Variants in TMX4 observed in about 807,000 individuals in gnomAD.
TMX4 encodes the protein thioredoxin related transmembrane protein 4.
TMX4 carries 23 observed loss-of-function variants against 33.3 expected under a neutral mutation model. The observed-to-expected ratio is 0.69, with a 90% CI of 0.50 to 0.98. The LOEUF is 0.98. Among genes scored for constraint, TMX4 ranks in the 50% least tolerant of loss-of-function variants. The pLI, the probability that TMX4 is intolerant of heterozygous loss-of-function variation, is 0.00. For synonymous variants in TMX4, 164 were observed against 161.5 expected, an observed-to-expected ratio of 1.02 and a Z score of -0.12; for missense variants, 399 against 448.9, an observed-to-expected ratio of 0.89 and a Z score of 1.01.
At chr20:7,982,865 AG>A (rs2050614926) in intron 7 of TMX4, among the ~76,000 whole-genome samples, 1 of 152,186 alleles carries the variant, frequency 6.6e-6, no homozygotes, top group African/African-American at 2.4e-5. Flanking sequence ...GCAAGGGCAA[AG>A]GGTCCTTTAC....
At chr20:7,985,277 A>ATATT (rs1436534553) in intron 6 of TMX4, among the ~76,000 whole-genome samples, 25 of 110,534 alleles carry the variant, frequency 2.3e-4, no homozygotes, top group Middle Eastern at 4.6e-3. Context: ...ATATATATAT[A>ATATT]TTTTTTTTTT....
At chr20:8,010,378 A>G in intron 1 of TMX4, 63 bp from the exon 2 acceptor site, 1 of 1,023,420 alleles carries the variant, frequency 9.8e-7, no homozygotes, top group Admixed American at 3.0e-5. Flanking sequence ...AAACAGAGAA[A>G]TCGAGTATTT....
chr20:8,011,379 T>C (rs1046644391), intron 1 of TMX4, among the ~76,000 whole-genome samples: 3 of 151,906 alleles, frequency 2.0e-5, no homozygotes, highest in African/African-American at 7.3e-5. Context: ...GATCAAATCC[T>C]GTAACAAGAT....
At chr20:7,992,991 C>A (rs1284591895) in intron 5 of TMX4, among the ~76,000 whole-genome samples, 1 of 152,198 alleles carries the variant, frequency 6.6e-6, no homozygotes, top group East Asian at 1.9e-4. Flanking sequence ...CCTATATACA[C>A]ACAAAAACGC....
chr20:7,985,564 T>A (rs1347869884), intron 6 of TMX4, among the ~76,000 whole-genome samples: 1 of 152,112 alleles, frequency 6.6e-6, no homozygotes, highest in Non-Finnish European at 1.5e-5. Flanking sequence ...TGAGCCACTG[T>A]GCCCAGCCTA....
rs1357815382 is a variant in TMX4, at chr20:7,980,621, A to C, written c.*1630T>G. ...GAAGCTGCACTACTGTCTGAAAAGC[A>C]CAATTACTGGTGACTCTTAACAAAC... On this transcript the variant is annotated 3_prime_UTR_variant, in exon 8 of 8. Coordinates refer to ENST00000246024, the MANE Select transcript of TMX4 (RefSeq NM_021156.4). The C allele has an allele frequency of 6.6e-6, 1 of 152,270 alleles. No individual in the cohort carries two copies. The highest frequency in any genetic ancestry group is 1.5e-5 in the Non-Finnish European group (1 of 68,062). 9.4% of individuals were successfully genotyped at this position (152,270 alleles called of 1,614,324 possible). A position where few individuals can be genotyped will look rare whatever the true frequency, so the allele number is the denominator to read the frequency against.
intron 1 of TMX4, among the ~76,000 whole-genome samples, chr20:8,018,505 A>T (rs2050792566): frequency 1.9e-5 from 1 of 52,740 alleles, no homozygotes; most frequent in African/African-American, 2.0e-4. Context: ...AGAGAGAGAG[A>T]GAGAGAGAGA....
At chr20:8,018,334 AGAGAGAGAGAGGAGG>A in intron 1 of TMX4, among the ~76,000 whole-genome samples, 1 of 116,638 alleles carries the variant, frequency 8.6e-6, no homozygotes, top group Non-Finnish European at 1.8e-5. Flanking sequence ...AGAGAGAGAG[AGAGAGAGAGAGGAGG>A]GAGAGAGAGA....
chr20:7,999,277 T>A (rs2050692166), intron 4 of TMX4, among the ~76,000 whole-genome samples: 2 of 152,214 alleles, frequency 1.3e-5, no homozygotes, highest in African/African-American at 4.8e-5. Context: ...AGGCCAAAGC[T>A]ATCCCCTGTG....
chr20:7,997,525 T>G lies in TMX4; in HGVS notation c.468-1454A>C, dbSNP rs1016504573. ...CCTTATTTAAAAAAAAAAAAACAAC[T>G]TTCTGACTCACTACAGACACCCTTT... On this transcript the variant is annotated intron_variant, in intron 4 of 7. Coordinates refer to ENST00000246024, the MANE Select transcript of TMX4 (RefSeq NM_021156.4). Among the ~76,000 whole-genome samples the G allele has an allele frequency of 2.6e-5, 4 of 151,716 alleles. No homozygotes were observed. In the East Asian group the frequency reaches 7.8e-4, roughly 29 times the overall value.
At chr20:7,997,045 G>A (rs997621694) in intron 4 of TMX4, among the ~76,000 whole-genome samples, 1 of 152,038 alleles carries the variant, frequency 6.6e-6, no homozygotes, top group East Asian at 1.9e-4. Flanking sequence ...AAGAGACTAC[G>A]CCCTTCTTCT....
chr20:8,014,791 CT>C (rs2050766217), intron 1 of TMX4, among the ~76,000 whole-genome samples: 1 of 152,152 alleles, frequency 6.6e-6, no homozygotes, highest in African/African-American at 2.4e-5. Flanking sequence ...TTGGATGGGC[CT>C]TAGAATCCAG....
intron 3 of TMX4, among the ~76,000 whole-genome samples, 175 bp from the exon 4 acceptor site, chr20:8,000,035 G>A (rs967944651): frequency 2.0e-5 from 3 of 152,116 alleles, no homozygotes; most frequent in African/African-American, 7.2e-5. Context: ...TTTACTATAA[G>A]TGAGAAATTC....
In TMX4 at chr20:8,019,573, A is replaced by C. The variant is rs916137549; in HGVS notation, c.41T>G (p.Leu14Arg). 5.0e-6 allele frequency: 7 copies of C among 1,402,914 alleles called. No homozygotes were observed. The African/African-American group carries it at 1.1e-4, about 21-fold the overall frequency. 86.9% of individuals were successfully genotyped at this position (1,402,914 alleles called of 1,614,324 possible). ...CGCCACAGCCGCGATCCAGGCGGCC[A>C]GGAGCGCCGTTAGCTGCGGGCCGCA... ...GRCGPQLTAL[L>R]AAWIAAVAAT... The change falls in exon 1 of 8, where the codon CTG (leucine) becomes CGG (arginine). Residue 14 changes from leucine to arginine, a missense_variant. Leu to Arg is a moderately radical substitution (Grantham distance 102). Coordinates refer to ENST00000246024, the MANE Select transcript of TMX4 (RefSeq NM_021156.4).
rs750366576 is a variant in TMX4, at chr20:7,999,827, G to A, written c.372C>T (p.Gly124=). 6.2e-7 allele frequency: 1 copy of A among 1,613,460 alleles called. No individual in the cohort carries two copies. The highest frequency in any genetic ancestry group is 8.5e-7 in the Non-Finnish European group (1 of 1,179,790). The part of the protein sequence containing the change: ...AKDGIFRRYR[G]PGIFEDLQNY... ...TCTGCAGGTCTTCGAAGATTCCTGG[G>A]CCACGATAACGGCGGAATATCCCAT... Residue 124 remains glycine, a synonymous_variant, in exon 4 of 8, where the codon GGC becomes GGT. Coordinates refer to ENST00000246024, the MANE Select transcript of TMX4 (RefSeq NM_021156.4).
chr20:7,995,863 C>A (rs114054824), intron 5 of TMX4, among the ~76,000 whole-genome samples, 163 bp downstream of exon 5: 1,634 of 151,928 alleles, frequency 0.011, 19 homozygotes, highest in Middle Eastern at 0.027. Context: ...TTCTACATGA[C>A]GACATTACCA....
intron 1 of TMX4, among the ~76,000 whole-genome samples, chr20:8,012,681 T>G (rs753638574): frequency 1.3e-5 from 2 of 151,072 alleles, no homozygotes; most frequent in Non-Finnish European, 2.9e-5. Context: ...GCACATTTGC[T>G]GCATCAGTAA....
chr20:7,979,756 A>T lies in TMX4; in HGVS notation c.*2495T>A, dbSNP rs754456720. 3.3e-5 allele frequency: 5 copies of T among 152,050 alleles called. No homozygotes were observed. The highest frequency in any genetic ancestry group is 7.4e-5 in the Non-Finnish European group (5 of 67,996). 9.4% of individuals were successfully genotyped at this position (152,050 alleles called of 1,614,324 possible). On this transcript the variant is annotated 3_prime_UTR_variant, in exon 8 of 8. Transcript: ENST00000246024. ...CCATCTCAAAAAAAAAAAAAAAAGAAAATACATTTTTCTTATTATATAATT... is the reference window on the plus strand; with the variant it reads ...CCATCTCAAAAAAAAAAAAAAAAGATAATACATTTTTCTTATTATATAATT...
intron 3 of TMX4, 91 bp downstream of exon 3, chr20:8,001,405 T>A (rs1463572603): frequency 1.6e-6 from 2 of 1,287,034 alleles, no homozygotes; most frequent in Non-Finnish European, 2.2e-6. Context: ...TTAAGCTGAA[T>A]GAGTGGCAGT....
Sources: allele counts gnomAD v4.1 joint callset (sites outside exome capture counted in the v4.1 genomes callset), GRCh38; gene constraint gnomAD v4.1.1; transcripts MANE v1.5; gene names NCBI Gene and HGNC (gene_info 2026-07-23, HGNC 2026-07-21).